CEP44: variants seen among roughly 807,000 people sequenced by gnomAD.
The protein encoded by CEP44 is centrosomal protein of 44 kDa.
In CEP44, 45 loss-of-function variants were observed where a neutral mutation model predicts 46.7. The observed-to-expected ratio is 0.96, with a 90% CI of 0.76 to 1.24. CEP44 has a LOEUF of 1.24. Ranked by LOEUF, CEP44 falls within the 50% of genes most tolerant of loss-of-function variation. CEP44 has a pLI of 0.00. For synonymous variants in CEP44, 142 were observed against 146.0 expected (o/e 0.97, Z 0.20); for missense variants, 475 against 459.7 (o/e 1.03, Z -0.30).
At chr4:174,292,249 T>C (rs1455351287) in intron 1 of CEP44, among the ~76,000 whole-genome samples, 2 of 152,212 alleles carry the variant, frequency 1.3e-5, no homozygotes, top group African/African-American at 2.4e-5. Flanking sequence ...GGCTCTGTTA[T>C]ATGAAATAAG....
rs772102409 is a variant in CEP44, at chr4:174,310,105, T to C, written c.885+49T>C. On this transcript the variant is annotated intron_variant, in intron 8 of 11. Transcript: ENST00000503780. This position sits in a 1 kb window ranked among gnomAD's most constrained non-coding sequence, Gnocchi z 4.2. Reference sequence around the variant, plus strand: ...TAAAATATCTCAGATATAACAAAGTTTTTTTTTGATTGTTATATGTGTATT... The same window carrying C: ...TAAAATATCTCAGATATAACAAAGTCTTTTTTTGATTGTTATATGTGTATT... 1.8e-5 allele frequency: 27 copies of C among 1,522,954 alleles called. No homozygotes were observed. Among genetic ancestry groups the C allele is most frequent in the East Asian group, 1.4e-4 (6 of 42,738 alleles). The allele number at this position is 1,522,954 out of a possible 1,614,324, so 94.3% of individuals were successfully genotyped here. A position where few individuals can be genotyped will look rare whatever the true frequency, so the allele number is the denominator to read the frequency against.
rs114951780 is a variant in CEP44 at position 174,329,068 on chromosome 4, A to G, written c.1087-2414A>G. On this transcript the variant is annotated intron_variant, in intron 8 of 8. Transcript: ENST00000426172. The surrounding 1 kb of genome is among the most constrained non-coding windows in gnomAD (Gnocchi z 4.0). ...CTCAAGCAATCCTCCCACAGCAGCC[A>G]CGTGAGTAGCCAGAACTACAGATGT... Among the ~76,000 whole-genome samples the G allele has an allele frequency of 6.7e-3, 1,025 of 152,176 alleles. 11 individuals are homozygous for G. Among genetic ancestry groups the G allele is most frequent in the African/African-American group, 0.023 (956 of 41,516 alleles).
At position 174,296,451 on chromosome 4, in the gene CEP44, T is replaced by C. The variant is rs13107360; in HGVS notation, c.-147-1515T>C. 3.1e-3 allele frequency among the ~76,000 whole-genome samples: 471 copies of C among 152,336 alleles called. 1 individual carries two copies. Among genetic ancestry groups the C allele is most frequent in the Non-Finnish European group, 4.3e-3 (294 of 68,018 alleles). The stretch of plus-strand genomic sequence containing the variant: ...TTTTCTTATAATTTCTATTCCACTT[T>C]TGTGTCTTTTCATCCATTGTGTAAC... On this transcript the variant is annotated intron_variant, in intron 1 of 11. Coordinates refer to ENST00000503780, the MANE Select transcript of CEP44 (RefSeq NM_001040157.3).
At position 174,312,030 on chromosome 4, in the gene CEP44, CA is replaced by C. The variant is rs2126644221; in HGVS notation, c.961+1177del. On this transcript the variant is annotated intron_variant, in intron 9 of 11. Transcript: ENST00000503780. This position sits in a 1 kb window ranked among gnomAD's most constrained non-coding sequence, Gnocchi z 4.5. Reference sequence around the variant, plus strand: ...TGCTTGAGTATAAGATCCTTGAGAGCAAAAACTTTATCTTATGGTCTGCCTG... The same window carrying C: ...TGCTTGAGTATAAGATCCTTGAGAGCAAAACTTTATCTTATGGTCTGCCTG... Among the ~76,000 whole-genome samples the C allele has an allele frequency of 6.6e-6, 1 of 152,224 alleles. No homozygotes were observed. Among genetic ancestry groups the C allele is most frequent in the Non-Finnish European group, 1.5e-5 (1 of 67,992 alleles).
rs766509482 is a variant in CEP44, at chr4:174,310,166, A to G, written c.885+110A>G. ...TGCTAAATATGAGAATATTTGAATA[A>G]TGAGAAAATGTCTAGTTAGAATGAA... On this transcript the variant is annotated intron_variant, in intron 8 of 11. Transcript: ENST00000503780. The surrounding 1 kb of genome is among the most constrained non-coding windows in gnomAD (Gnocchi z 4.2). The G allele has an allele frequency of 4.4e-5, 42 of 948,730 alleles. No individual in the cohort carries two copies. Among genetic ancestry groups the G allele is most frequent in the Non-Finnish European group, 3.8e-5 (25 of 649,416 alleles). The allele number at this position is 948,730 out of a possible 1,614,324, so 58.8% of individuals were successfully genotyped here. A position where few individuals can be genotyped will look rare whatever the true frequency, so the allele number is the denominator to read the frequency against.
In CEP44 at chr4:174,297,654, G is replaced by GTA. The variant is rs1421907304; in HGVS notation, c.-147-311_-147-310insAT. On this transcript the variant is annotated intron_variant, in intron 1 of 11. Transcript: ENST00000503780. The surrounding 1 kb of genome is among the most constrained non-coding windows in gnomAD (Gnocchi z 4.3). ...AGATATAGGAAGAAACTTTATTAGT[G>GTA]TGTGTGTGTGTGTGTGTGTGTGTGT... Among the ~76,000 whole-genome samples the GTA allele has an allele frequency of 3.0e-5, 1 of 33,176 alleles. No homozygotes were observed. The highest frequency in any genetic ancestry group is 9.8e-5 in the Non-Finnish European group (1 of 10,154). 21.8% of individuals were successfully genotyped at this position (33,176 alleles called of 152,430 possible).
chr4:174,315,344 G>T (rs186472118), intron 9 of CEP44, among the ~76,000 whole-genome samples: 3 of 151,902 alleles, frequency 2.0e-5, no homozygotes, highest in Admixed American at 1.3e-4. Context: ...ATTTTTGTAG[G>T]GGAGATGCCA....
Position 174,331,446 on chromosome 4 carries a change from C to T in CEP44, c.1087-36C>T. 1 of 1,548,354 alleles carries T rather than the reference C, an allele frequency of 6.5e-7. No homozygotes were observed. Among genetic ancestry groups the T allele is most frequent in the Non-Finnish European group, 8.7e-7 (1 of 1,145,186 alleles). On this transcript the variant is annotated intron_variant, in intron 8 of 8. Coordinates refer to the CEP44 transcript ENST00000426172. The surrounding 1 kb of genome is among the most constrained non-coding windows in gnomAD (Gnocchi z 4.5). ...ACCCATTCTGCCAATGCATTTAGAT[C>T]ATATTTTAATGTATAATTTTGTGTT...
In CEP44 at chr4:174,287,685, C is replaced by T. The variant is rs1490780687; in HGVS notation, c.-148+3742C>T. Among the ~76,000 whole-genome samples the T allele has an allele frequency of 6.6e-6, 1 of 152,018 alleles. No individual in the cohort carries two copies. The highest frequency in any genetic ancestry group is 1.5e-5 in the Non-Finnish European group (1 of 68,006). On this transcript the variant is annotated intron_variant, in intron 1 of 11. Coordinates refer to ENST00000503780, the MANE Select transcript of CEP44 (RefSeq NM_001040157.3). The surrounding 1 kb of genome is among the most constrained non-coding windows in gnomAD (Gnocchi z 5.1). Reference sequence around the variant, plus strand: ...TCTGGTTATGATTTACATGTATTAACTTATTAATACACGAAGATCAAAAAG... The same window carrying T: ...TCTGGTTATGATTTACATGTATTAATTTATTAATACACGAAGATCAAAAAG...
chr4:174,318,646 T>C lies in CEP44; in HGVS notation c.*1263T>C. On this transcript the variant is annotated 3_prime_UTR_variant, in exon 12 of 12. Transcript: ENST00000503780. ...TTATATGGACCATCTGATTATATTT[T>C]ATTTATTCATCTATTTATGGTATGT... 1 of 595,398 alleles carries C rather than the reference T, an allele frequency of 1.7e-6. No homozygotes were observed. Among genetic ancestry groups the C allele is most frequent in the Non-Finnish European group, 2.1e-6 (1 of 474,894 alleles). 36.9% of individuals were successfully genotyped at this position (595,398 alleles called of 1,614,324 possible). A position where few individuals can be genotyped will look rare whatever the true frequency, so the allele number is the denominator to read the frequency against.
chr4:174,303,652 T>C (rs1019627791), intron 4 of CEP44, 51 bp from the exon 5 acceptor site: 1 of 1,286,378 alleles, frequency 7.8e-7, no homozygotes, highest in Non-Finnish European at 1.1e-6. Context: ...TCATTTGGAA[T>C]TTTAGAAATA....
At chr4:174,293,682 A>AG (rs991681890) in intron 1 of CEP44, among the ~76,000 whole-genome samples, 1 of 152,118 alleles carries the variant, frequency 6.6e-6, no homozygotes, top group Non-Finnish European at 1.5e-5. Flanking sequence ...TTTTACTTTT[A>AG]GGGGGTTTTT....
Position 174,310,963 on chromosome 4 carries a change from C to G in CEP44, c.961+105C>G, listed in dbSNP as rs1741014404. ...GCTTTATTGTTTAGAAATTGCAAAG[C>G]TCCTAGAACAAAGAACATAATGAAC... On this transcript the variant is annotated intron_variant, in intron 9 of 11. Transcript: ENST00000503780. This position sits in a 1 kb window ranked among gnomAD's most constrained non-coding sequence, Gnocchi z 4.2. The G allele has an allele frequency of 1.7e-6, 1 of 574,232 alleles. No individual in the cohort carries two copies. The highest frequency in any genetic ancestry group is 4.1e-4 in the Middle Eastern group (1 of 2,442). The allele number at this position is 574,232 out of a possible 1,614,324, so 35.6% of individuals were successfully genotyped here. A position where few individuals can be genotyped will look rare whatever the true frequency, so the allele number is the denominator to read the frequency against.
At chr4:174,323,214 A>G (rs1742439965), downstream of CEP44, among the ~76,000 whole-genome samples, 1 of 152,176 alleles carries the variant, frequency 6.6e-6, no homozygotes, top group Non-Finnish European at 1.5e-5. Context: ...CCAAAAGAAG[A>G]GGAAGCAGAA....
chr4:174,325,561 G>A lies in CEP44; in HGVS notation c.1087-5921G>A, dbSNP rs185320878. Among the ~76,000 whole-genome samples, 210 of 152,108 alleles carry A rather than the reference G, an allele frequency of 1.4e-3. No homozygotes were observed. The highest frequency in any genetic ancestry group is 4.8e-3 in the African/African-American group (199 of 41,500). On this transcript the variant is annotated intron_variant, in intron 8 of 8. Coordinates refer to the CEP44 transcript ENST00000426172. This position sits in a 1 kb window ranked among gnomAD's most constrained non-coding sequence, Gnocchi z 4.4. Reference sequence around the variant, plus strand: ...TCCTAGCTACTCGAGAGGCTGAGGTGGGAAGATAACTTGAGCTGAGGAGGT... The same window carrying A: ...TCCTAGCTACTCGAGAGGCTGAGGTAGGAAGATAACTTGAGCTGAGGAGGT...
In CEP44 at chr4:174,319,866, A is replaced by C; in HGVS notation, c.*2483A>C. 1 of 985,330 alleles carries C rather than the reference A, an allele frequency of 1.0e-6. No individual in the cohort carries two copies. Among genetic ancestry groups the C allele is most frequent in the Non-Finnish European group, 1.2e-6 (1 of 829,834 alleles). The allele number at this position is 985,330 out of a possible 1,614,324, so 61.0% of individuals were successfully genotyped here. Reference sequence around the variant, plus strand: ...AGATCAGCAAATTGTTATTTTAAAAAGTTTTCTTGTTTAGGCAATTTGGTA... The same window carrying C: ...AGATCAGCAAATTGTTATTTTAAAACGTTTTCTTGTTTAGGCAATTTGGTA... On this transcript the variant is annotated 3_prime_UTR_variant, in exon 12 of 12. Coordinates refer to ENST00000503780, the MANE Select transcript of CEP44 (RefSeq NM_001040157.3).
chr4:174,291,723 C>G (rs1738216817), intron 1 of CEP44, among the ~76,000 whole-genome samples: 1 of 150,210 alleles, frequency 6.7e-6, no homozygotes, highest in Admixed American at 6.6e-5. Flanking sequence ...AAGTGACAAA[C>G]TCCCTGAGTT....
chr4:174,291,952 G>A (rs1259571740), intron 1 of CEP44, among the ~76,000 whole-genome samples: 1 of 151,356 alleles, frequency 6.6e-6, no homozygotes, highest in Non-Finnish European at 1.5e-5. Flanking sequence ...CACCATGACT[G>A]GCTAATTTTT....
chr4:174,299,767 A>C (rs1013776560), intron 3 of CEP44, among the ~76,000 whole-genome samples: 2 of 152,130 alleles, frequency 1.3e-5, no homozygotes, highest in Admixed American at 1.3e-4. Context: ...CCCACTTTGA[A>C]CCTTTCACTT....
Sources: gnomAD v4.1 joint callset for allele counts (sites outside exome capture counted in the v4.1 genomes callset) on GRCh38, gnomAD v4.1.1 for gene constraint, Gnocchi (gnomAD v3.1) non-coding constraint, MANE v1.5 for transcripts, NCBI Gene and HGNC (gene_info 2026-07-23, HGNC 2026-07-21) for gene names.